The following LPAR3 variants were observed in gnomAD, a reference collection of about 807,000 sequenced individuals.
LPAR3 encodes the protein LPA receptor 3.
A neutral mutation model predicts 17.8 loss-of-function variants in LPAR3; 7 were observed. The observed-to-expected ratio is 0.39, with a 90% CI of 0.22 to 0.74. The LOEUF is 0.74. Among genes scored for constraint, LPAR3 ranks in the 30% least tolerant of loss-of-function variants. The pLI is 0.40. For missense variants in LPAR3, 391 were observed against 453.4 expected, an observed-to-expected ratio of 0.86 and a Z score of 1.25; for synonymous variants, 179 against 179.9, an observed-to-expected ratio of 0.99 and a Z score of 0.04.
chr1:84,834,423 G>A (rs1659355556), intron 2 of LPAR3, among the ~76,000 whole-genome samples: 1 of 152,212 alleles, frequency 6.6e-6, no homozygotes, highest in South Asian at 2.1e-4. Flanking sequence ...GATAGCAAAT[G>A]AGAAGATAGA....
At chr1:84,890,310 A>T (rs1292495670) in intron 1 of LPAR3, among the ~76,000 whole-genome samples, 1 of 152,256 alleles carries the variant, frequency 6.6e-6, no homozygotes, top group African/African-American at 2.4e-5. Context: ...TAAGGCTTAG[A>T]AATCTTTGCA....
Position 84,815,077 on chromosome 1 carries a change from T to C in LPAR3, c.737-906A>G, listed in dbSNP as rs370706619. On this transcript the variant is annotated intron_variant, in intron 2 of 2. Transcript: ENST00000370611. ...ATAAGCGAGGCACTGGTGCAAACGC[T>C]TTCCTTGATTAACTCACAGGACCAC... 2.4e-4 allele frequency among the ~76,000 whole-genome samples: 37 copies of C among 152,292 alleles called. 1 individual carries two copies. The highest frequency in any genetic ancestry group is 8.7e-4 in the African/African-American group (36 of 41,554).
chr1:84,888,151 TACACAC>T (rs757810280), intron 1 of LPAR3, among the ~76,000 whole-genome samples: 4,921 of 91,012 alleles, frequency 0.054, 200 homozygotes, highest in African/African-American at 0.15. Context: ...TATACATACA[TACACAC>T]ACACACACAC....
chr1:84,836,486 G>A (rs1287594562), intron 2 of LPAR3, among the ~76,000 whole-genome samples: 1 of 152,030 alleles, frequency 6.6e-6, no homozygotes, highest in Non-Finnish European at 1.5e-5. Flanking sequence ...TCTGAATGTG[G>A]TTAGAAAATG....
rs1448154707 is a variant in LPAR3 at position 84,812,197 on chromosome 1, T to G, written c.*1649A>C. The G allele has an allele frequency of 6.6e-6, 1 of 152,202 alleles. No individual in the cohort carries two copies. The highest frequency in any genetic ancestry group is 1.5e-5 in the Non-Finnish European group (1 of 68,042). The allele number at this position is 152,202 out of a possible 1,614,324, so 9.4% of individuals were successfully genotyped here. ...CATTCTATATGGAAGGGATTCAGCCTGCTCTTCAATACAGCTTTTACTCTG... is the reference window on the plus strand; with the variant it reads ...CATTCTATATGGAAGGGATTCAGCCGGCTCTTCAATACAGCTTTTACTCTG... On this transcript the variant is annotated 3_prime_UTR_variant, in exon 3 of 3. Transcript: ENST00000370611.
chr1:84,876,500 TC>T (rs1337178619), intron 1 of LPAR3, among the ~76,000 whole-genome samples: 1 of 152,130 alleles, frequency 6.6e-6, no homozygotes, highest in East Asian at 1.9e-4. Context: ...CTATCAGGCA[TC>T]CCTCTATATA....
At chr1:84,878,192 A>G (rs992232881) in intron 1 of LPAR3, among the ~76,000 whole-genome samples, 1 of 152,172 alleles carries the variant, frequency 6.6e-6, no homozygotes, top group Non-Finnish European at 1.5e-5. Context: ...TAAAGTATTC[A>G]ATTTGATTGA....
At chr1:84,865,317 C>T (rs1359571758) in intron 2 of LPAR3, 68 bp downstream of exon 2, 2 of 1,503,082 alleles carry the variant, frequency 1.3e-6, no homozygotes, top group African/African-American at 2.8e-5. Flanking sequence ...GCCTGGTACA[C>T]CACAGATGCT....
chr1:84,825,331 T>A (rs908982494), intron 2 of LPAR3, among the ~76,000 whole-genome samples: 3 of 152,180 alleles, frequency 2.0e-5, no homozygotes, highest in Non-Finnish European at 4.4e-5. Context: ...ATATCTAACA[T>A]GCAATGGGCA....
chr1:84,853,870 G>A (rs1659766835), intron 2 of LPAR3, among the ~76,000 whole-genome samples: 1 of 152,182 alleles, frequency 6.6e-6, no homozygotes, highest in South Asian at 2.1e-4. Flanking sequence ...TCAGCTGTGG[G>A]CTGAAGACTG....
chr1:84,882,266 C>G (rs4907009), intron 1 of LPAR3, among the ~76,000 whole-genome samples: 65,999 of 151,974 alleles, frequency 0.43, 16,155 homozygotes, highest in East Asian at 0.6. Context: ...AAAACCCTGA[C>G]AAATAAACTT....
chr1:84,887,196 C>T (rs776101628), intron 1 of LPAR3, among the ~76,000 whole-genome samples: 2 of 149,406 alleles, frequency 1.3e-5, no homozygotes, highest in Admixed American at 1.3e-4. Context: ...GAAACCAACT[C>T]CATCTCTACA....
At chr1:84,876,334 C>T (rs1476743913) in intron 1 of LPAR3, among the ~76,000 whole-genome samples, 1 of 152,142 alleles carries the variant, frequency 6.6e-6, no homozygotes, top group East Asian at 1.9e-4. Flanking sequence ...TACCCTGTAT[C>T]CTACAGGGCT....
At chr1:84,891,735 G>A (rs1021085705) in intron 1 of LPAR3, among the ~76,000 whole-genome samples, 1 of 152,218 alleles carries the variant, frequency 6.6e-6, no homozygotes, top group Non-Finnish European at 1.5e-5. Flanking sequence ...TTGATTGTCT[G>A]TCTGTAATTG....
intron 1 of LPAR3, among the ~76,000 whole-genome samples, chr1:84,892,085 C>T (rs1469345243): frequency 6.6e-6 from 1 of 151,798 alleles, no homozygotes; most frequent in Non-Finnish European, 1.5e-5. Context: ...TGGTGGTGGG[C>T]GCCTGCAATC....
intron 2 of LPAR3, among the ~76,000 whole-genome samples, chr1:84,834,488 T>C (rs1403470719): frequency 6.6e-6 from 1 of 152,148 alleles, no homozygotes; most frequent in Non-Finnish European, 1.5e-5. Flanking sequence ...TTCCTATGGG[T>C]CCATTTTACT....
chr1:84,839,639 C>A (rs1659472179), intron 2 of LPAR3, among the ~76,000 whole-genome samples: 1 of 151,962 alleles, frequency 6.6e-6, no homozygotes, highest in Non-Finnish European at 1.5e-5. Flanking sequence ...GCACTCCAGC[C>A]TGGATGACAG....
chr1:84,839,813 T>C (rs1330508508), intron 2 of LPAR3, among the ~76,000 whole-genome samples: 4 of 152,230 alleles, frequency 2.6e-5, no homozygotes, highest in South Asian at 2.1e-4. Context: ...GGGTAACTTA[T>C]TTAACTTCTC....
chr1:84,850,413 A>AG (rs1389638567), intron 2 of LPAR3, among the ~76,000 whole-genome samples: 2 of 148,308 alleles, frequency 1.3e-5, no homozygotes, highest in African/African-American at 4.9e-5. Context: ...AAAAAAAAAA[A>AG]AAAAGAAAAA....
Sources: gnomAD v4.1 joint callset for allele counts (sites outside exome capture counted in the v4.1 genomes callset) on GRCh38, gnomAD v4.1.1 for gene constraint, MANE v1.5 for transcripts, NCBI Gene and HGNC (gene_info 2026-07-23, HGNC 2026-07-21) for gene names.